Variants in TRABD2B observed in about 807,000 individuals in gnomAD.
TRABD2B encodes TraB domain containing 2B.
TRABD2B carries 14 observed loss-of-function variants against 40.1 expected under a neutral mutation model. The observed-to-expected ratio is 0.35, with a 90% CI of 0.23 to 0.55. TRABD2B has a LOEUF of 0.55. Ranked by LOEUF, TRABD2B falls within the 20% of genes least tolerant of loss-of-function variation. The pLI is 0.90. For missense variants in TRABD2B, 541 were observed against 648.6 expected (o/e 0.83, Z 1.80); for synonymous variants, 263 against 277.0 (o/e 0.95, Z 0.50).
At chr1:47,923,556 A>T (rs958445923) in intron 2 of TRABD2B, among the ~76,000 whole-genome samples, 6 of 152,324 alleles carry the variant, frequency 3.9e-5, no homozygotes, top group Admixed American at 3.3e-4. Context: ...ATGATGGTTA[A>T]TTTTATGTGT....
At chr1:47,906,234 C>T (rs552183693) in intron 2 of TRABD2B, among the ~76,000 whole-genome samples, 2 of 152,284 alleles carry the variant, frequency 1.3e-5, no homozygotes, top group South Asian at 2.1e-4. Context: ...CACAGGGCTT[C>T]GTGCTTTGAA....
chr1:47,803,030 C>A (rs1423752684), intron 2 of TRABD2B, among the ~76,000 whole-genome samples: 1 of 151,884 alleles, frequency 6.6e-6, no homozygotes, highest in Non-Finnish European at 1.5e-5. Context: ...AAAAAAAAAT[C>A]TTCTGCCTTT....
chr1:47,868,866 AGTG>A (rs1644099402), intron 2 of TRABD2B, among the ~76,000 whole-genome samples: 1 of 152,154 alleles, frequency 6.6e-6, no homozygotes, highest in African/African-American at 2.4e-5. Context: ...CAGCTGGGCA[AGTG>A]TCCACAGTCA....
intron 2 of TRABD2B, among the ~76,000 whole-genome samples, chr1:47,987,645 T>C (rs1431400037): frequency 6.6e-6 from 1 of 152,160 alleles, no homozygotes; most frequent in Non-Finnish European, 1.5e-5. Context: ...AACCAGGTCA[T>C]GGAGAGGGGA....
At chr1:47,827,164 A>T (rs1356178482) in intron 2 of TRABD2B, among the ~76,000 whole-genome samples, 1 of 152,176 alleles carries the variant, frequency 6.6e-6, no homozygotes, top group African/African-American at 2.4e-5. Context: ...AATGCCATCT[A>T]TCCCAGCAAG....
chr1:47,922,397 T>C (rs1006319726), intron 2 of TRABD2B, among the ~76,000 whole-genome samples: 6 of 152,172 alleles, frequency 3.9e-5, no homozygotes, highest in African/African-American at 9.6e-5. Context: ...GGGCTGAAGC[T>C]TGTGGTCAAG....
intron 2 of TRABD2B, among the ~76,000 whole-genome samples, chr1:47,923,680 G>C (rs200306934): frequency 6.6e-6 from 1 of 152,120 alleles, no homozygotes; most frequent in Non-Finnish European, 1.5e-5. Context: ...TTTGAGTAAA[G>C]CAGATTACTT....
At chr1:47,897,084 T>G (rs1194493504) in intron 2 of TRABD2B, among the ~76,000 whole-genome samples, 5 of 151,980 alleles carry the variant, frequency 3.3e-5, no homozygotes, top group Non-Finnish European at 7.4e-5. Context: ...ATGTAACATG[T>G]TAGATGACAG....
chr1:47,979,656 A>G (rs1310533857), intron 2 of TRABD2B, among the ~76,000 whole-genome samples: 1 of 152,194 alleles, frequency 6.6e-6, no homozygotes, highest in Non-Finnish European at 1.5e-5. Context: ...CCCCACTTTG[A>G]ACAGGTGGAA....
intron 2 of TRABD2B, among the ~76,000 whole-genome samples, chr1:47,946,774 TTCCC>T (rs1557673123): frequency 2.0e-5 from 3 of 152,196 alleles, no homozygotes; most frequent in Non-Finnish European, 4.4e-5. Context: ...TTAGGAAGTG[TTCCC>T]TCCTCTACCC....
At chr1:47,971,587 A>AG (rs898919003) in intron 2 of TRABD2B, among the ~76,000 whole-genome samples, 61 of 152,294 alleles carry the variant, frequency 4.0e-4, no homozygotes, top group African/African-American at 1.4e-3. Flanking sequence ...ACACCTTAAC[A>AG]GGAGGACAGG....
At chr1:47,980,098 C>T (rs1645819236) in intron 2 of TRABD2B, among the ~76,000 whole-genome samples, 1 of 152,172 alleles carries the variant, frequency 6.6e-6, no homozygotes, top group South Asian at 2.1e-4. Flanking sequence ...CATCATGTGA[C>T]CCCTATGTGC....
chr1:47,882,919 A>G lies in TRABD2B; in HGVS notation c.667-81300T>C, dbSNP rs540607348. On this transcript the variant is annotated intron_variant, in intron 2 of 6. Coordinates refer to ENST00000606738, the MANE Select transcript of TRABD2B (RefSeq NM_001194986.2). ...AAGGATTGGGAGAGGAGTCCTGGAG[A>G]AGCTGCTCATTCCCACAACCCCCGG... Among the ~76,000 whole-genome samples, 11 of 152,192 alleles carry G rather than the reference A, an allele frequency of 7.2e-5. No individual in the cohort carries two copies. The South Asian group carries it at 2.3e-3, about 32-fold the overall frequency.
chr1:47,802,128 C>T (rs978105711), intron 2 of TRABD2B, among the ~76,000 whole-genome samples: 1 of 152,208 alleles, frequency 6.6e-6, no homozygotes, highest in Non-Finnish European at 1.5e-5. Flanking sequence ...CGGTCCTGAA[C>T]ATCTGCTCTA....
intron 2 of TRABD2B, among the ~76,000 whole-genome samples, chr1:47,888,577 C>G (rs1236291652): frequency 5.9e-5 from 9 of 152,176 alleles, no homozygotes; most frequent in Admixed American, 6.5e-5. Flanking sequence ...AGGGAAAATT[C>G]TCTTGATCAC....
At chr1:47,921,146 C>A (rs1341464234) in intron 2 of TRABD2B, among the ~76,000 whole-genome samples, 1 of 152,196 alleles carries the variant, frequency 6.6e-6, no homozygotes, top group African/African-American at 2.4e-5. Context: ...CTCACTGAAA[C>A]CTTTCCCTGC....
At chr1:47,978,357 T>G (rs558364313) in intron 2 of TRABD2B, among the ~76,000 whole-genome samples, 1 of 152,276 alleles carries the variant, frequency 6.6e-6, no homozygotes, top group Admixed American at 6.5e-5. Context: ...CAAACTAGCT[T>G]ATGGTATTTC....
At chr1:47,782,688 G>C (rs1399648673) in intron 4 of TRABD2B, among the ~76,000 whole-genome samples, 1 of 152,192 alleles carries the variant, frequency 6.6e-6, no homozygotes, top group Non-Finnish European at 1.5e-5. Flanking sequence ...CCAATCCCAG[G>C]AATTTGGCCC....
At chr1:47,863,305 G>T (rs1644001164) in intron 2 of TRABD2B, among the ~76,000 whole-genome samples, 1 of 126,890 alleles carries the variant, frequency 7.9e-6, no homozygotes, top group South Asian at 2.3e-4. Flanking sequence ...ATTTGCAAAA[G>T]ACTGATAAAT....
Sources: gnomAD v4.1 joint callset for allele counts (sites outside exome capture counted in the v4.1 genomes callset) on GRCh38, gnomAD v4.1.1 for gene constraint, MANE v1.5 for transcripts, NCBI Gene and HGNC (gene_info 2026-07-23, HGNC 2026-07-21) for gene names.